KALRN: variants seen among roughly 807,000 people sequenced by gnomAD.
The protein encoded by KALRN is kalirin.
KALRN carries 70 observed loss-of-function variants against 353.7 expected under a neutral mutation model. The ratio of observed to expected loss-of-function variants is 0.20; its 90% CI spans 0.16 to 0.24. KALRN has a LOEUF of 0.24. Among genes scored for constraint, KALRN ranks in the 10% least tolerant of loss-of-function variants. The pLI is 1.00. For synonymous variants in KALRN, 1,391 were observed against 1,434.8 expected (o/e 0.97, Z 0.69); for missense variants, 2,791 against 3,756.7 (o/e 0.74, Z 6.72).
At chr3:124,313,240 T>C (rs535592356) in intron 6 of KALRN, among the ~76,000 whole-genome samples, 66 of 152,268 alleles carry the variant, frequency 4.3e-4, no homozygotes, top group African/African-American at 1.3e-3. Flanking sequence ...GGGATTCTCA[T>C]CCTAAAGACA....
chr3:124,261,405 C>A (rs2072849483), intron 3 of KALRN, among the ~76,000 whole-genome samples: 1 of 152,160 alleles, frequency 6.6e-6, no homozygotes, highest in Non-Finnish European at 1.5e-5. Flanking sequence ...ATAGTCGTTT[C>A]CCCTTTCCCA....
At chr3:124,684,058 C>T (rs1021991998) in intron 51 of KALRN, among the ~76,000 whole-genome samples, 7 of 152,178 alleles carry the variant, frequency 4.6e-5, no homozygotes, top group African/African-American at 1.7e-4. Flanking sequence ...TCACCACTAT[C>T]CATTTCCAGA....
intron 27 of KALRN, 100 bp from the exon 28 acceptor site, chr3:124,482,708 C>T: frequency 2.4e-5 from 19 of 783,674 alleles, no homozygotes; most frequent in Admixed American, 1.4e-4. Context: ...ACCTTTTTCT[C>T]TTTCTTCCTC....
At position 124,723,463 on chromosome 3, in the gene KALRN, T is replaced by A. The variant is rs1285599134; in HGVS notation, c.*3993T>A. 6.6e-6 allele frequency: 1 copy of A among 152,174 alleles called. No individual in the cohort carries two copies. The highest frequency in any genetic ancestry group is 2.4e-5 in the African/African-American group (1 of 41,438). 9.4% of individuals were successfully genotyped at this position (152,174 alleles called of 1,614,324 possible). The stretch of plus-strand genomic sequence containing the variant: ...TTACAGGAATGTTGAGAAATAACCT[T>A]GGTGGGGACATCTATAAAATACTTT... On this transcript the variant is annotated 3_prime_UTR_variant, in exon 60 of 60. Transcript: ENST00000682506.
chr3:124,472,522 T>G (rs2061021410), intron 25 of KALRN, among the ~76,000 whole-genome samples: 1 of 152,218 alleles, frequency 6.6e-6, no homozygotes, highest in East Asian at 1.9e-4. Flanking sequence ...AGACCTCGTC[T>G]CTATTATTAT....
intron 34 of KALRN, among the ~76,000 whole-genome samples, chr3:124,582,855 A>T (rs2074764847): frequency 6.6e-6 from 1 of 152,078 alleles, no homozygotes; most frequent in Non-Finnish European, 1.5e-5. Context: ...TGCAGGCTTG[A>T]CATCCCCAGG....
At chr3:124,378,230 G>A in intron 10 of KALRN, among the ~76,000 whole-genome samples, 1 of 151,720 alleles carries the variant, frequency 6.6e-6, no homozygotes, top group East Asian at 1.9e-4. Context: ...GGTTGCCTTA[G>A]GGTTTATAGT....
chr3:124,152,657 A>G (rs2149914385), intron 1 of KALRN: 2 of 567,378 alleles, frequency 3.5e-6, no homozygotes, highest in Non-Finnish European at 6.1e-6. Flanking sequence ...GCAGTGGTGC[A>G]ATCGAGGCTC....
chr3:124,653,371 T>C (rs1266618817), intron 38 of KALRN, among the ~76,000 whole-genome samples: 1 of 152,256 alleles, frequency 6.6e-6, no homozygotes, highest in African/African-American at 2.4e-5. Flanking sequence ...AACACCAGTA[T>C]GTACCATCAG....
chr3:124,247,719 T>C (rs2332768), intron 3 of KALRN, among the ~76,000 whole-genome samples: 43,934 of 152,004 alleles, frequency 0.29, 7,422 homozygotes, highest in Non-Finnish European at 0.37. Context: ...ATTTGTCTTT[T>C]CAGACCTTCC....
intron 34 of KALRN, among the ~76,000 whole-genome samples, chr3:124,616,541 T>C (rs1465186478): frequency 6.6e-6 from 1 of 152,202 alleles, no homozygotes; most frequent in East Asian, 1.9e-4. Flanking sequence ...CAATGAAATT[T>C]GGTAAATGCT....
chr3:124,439,196 TCTCTCACA>T lies in KALRN; in HGVS notation c.3198+161_3198+168del, dbSNP rs1035775740. On this transcript the variant is annotated intron_variant, in intron 18 of 59. Transcript: ENST00000682506. ...CTCCTCCTTCTTCTCCTTCTCTCTC[TCTCTCACA>T]CACACACACACACACACACACACAC... Among the ~76,000 whole-genome samples, 93 of 79,308 alleles carry T rather than the reference TCTCTCACA, an allele frequency of 1.2e-3. 2 individuals are homozygous for T. The South Asian group carries it at 0.021, about 18-fold the overall frequency. The allele number at this position is 79,308 out of a possible 152,430, so 52.0% of individuals were successfully genotyped here.
At chr3:124,438,657 GT>G (rs1248056864) in intron 17 of KALRN, among the ~76,000 whole-genome samples, 1 of 147,956 alleles carries the variant, frequency 6.8e-6, no homozygotes, top group African/African-American at 2.5e-5. Context: ...CCTAGGTAAT[GT>G]CATCAACTCC....
chr3:124,368,777 G>C (rs551309905), intron 10 of KALRN, among the ~76,000 whole-genome samples: 4,321 of 151,398 alleles, frequency 0.029, 201 homozygotes, highest in African/African-American at 0.099. Context: ...GCACCATTGA[G>C]CACTGAGTGA....
chr3:124,613,059 T>C (rs1432484493), intron 34 of KALRN, among the ~76,000 whole-genome samples: 1 of 152,170 alleles, frequency 6.6e-6, no homozygotes, highest in East Asian at 1.9e-4. Context: ...ATACCAATCA[T>C]TGCTGATCAT....
chr3:124,403,395 C>T (rs143524210), intron 13 of KALRN, among the ~76,000 whole-genome samples: 97 of 152,250 alleles, frequency 6.4e-4, no homozygotes, highest in African/African-American at 2.1e-3. Context: ...TTAGAAATGA[C>T]ACTAAGAAGG....
At chr3:124,415,430 T>C (rs577288081) in intron 14 of KALRN, among the ~76,000 whole-genome samples, 16 of 152,342 alleles carry the variant, frequency 1.1e-4, no homozygotes, top group African/African-American at 3.8e-4. Context: ...GTCAGCAGCA[T>C]TAGCATCACC....
chr3:124,460,375 A>G (rs1336543995), intron 23 of KALRN, among the ~76,000 whole-genome samples: 1 of 152,210 alleles, frequency 6.6e-6, no homozygotes, highest in Non-Finnish European at 1.5e-5. Context: ...GGAAAATAAA[A>G]TGGGGTGGGG....
At chr3:124,239,998 C>A (rs2080243777) in intron 3 of KALRN, among the ~76,000 whole-genome samples, 2 of 152,152 alleles carry the variant, frequency 1.3e-5, no homozygotes, top group Admixed American at 6.5e-5. Context: ...TTTTAAAGAT[C>A]ATTGTTGATT....
Sources: allele counts gnomAD v4.1 joint callset (sites outside exome capture counted in the v4.1 genomes callset), GRCh38; gene constraint gnomAD v4.1.1; transcripts MANE v1.5; gene names NCBI Gene and HGNC (gene_info 2026-07-23, HGNC 2026-07-21).